Variants in DNAH12 observed in about 807,000 individuals in gnomAD.
DNAH12 encodes dynein axonemal heavy chain 12, also known as axonemal beta dynein heavy chain 12.
In DNAH12, 285 loss-of-function variants were observed where a neutral mutation model predicts 371.5. That is an observed-to-expected ratio of 0.77 (90% CI 0.70 to 0.85). The LOEUF is 0.85. DNAH12 is among the 40% of genes least tolerant of loss of function. The pLI is 0.00. For missense variants in DNAH12, 3,611 were observed against 3,689.4 expected (o/e 0.98, Z 0.55); for synonymous variants, 1,200 against 1,213.0 (o/e 0.99, Z 0.22).
intron 62 of DNAH12, among the ~76,000 whole-genome samples, chr3:57,332,233 T>A (rs1575464384): frequency 6.6e-6 from 1 of 152,262 alleles, no homozygotes; most frequent in Non-Finnish European, 1.5e-5. Context: ...TGTAATACTA[T>A]GATCACCTTT....
rs1249837063 is a variant in DNAH12, at chr3:57,507,373, T to C, written c.897+270A>G. ...TACTAGAATAGTTCTTTTGTTAACA[T>C]ACTCCAAATAAAGCTATAATTAACT... is the stretch of plus-strand genomic sequence containing the variant. On this transcript the variant is annotated intron_variant, in intron 8 of 73. Coordinates refer to ENST00000495027, the MANE Select transcript of DNAH12 (RefSeq NM_001366028.2). Among the ~76,000 whole-genome samples, 7 of 152,254 alleles carry C rather than the reference T, an allele frequency of 4.6e-5. No individual in the cohort carries two copies. The South Asian group carries it at 8.3e-4, about 18-fold the overall frequency.
intron 35 of DNAH12, among the ~76,000 whole-genome samples, chr3:57,422,138 T>C (rs1324827559): frequency 1.3e-5 from 2 of 151,912 alleles, no homozygotes; most frequent in African/African-American, 2.4e-5. Context: ...GGTCTTAAAC[T>C]CCTAGACTCA....
intron 62 of DNAH12, among the ~76,000 whole-genome samples, chr3:57,331,187 G>A (rs1018905701): frequency 9.2e-5 from 14 of 152,120 alleles, no homozygotes; most frequent in Non-Finnish European, 1.6e-4. Context: ...ATGGGGTAAG[G>A]GCTATGGTAT....
chr3:57,309,600 T>G, intron 68 of DNAH12, 66 bp downstream of exon 68: 1 of 1,345,756 alleles, frequency 7.4e-7, no homozygotes, highest in Non-Finnish European at 9.7e-7. Flanking sequence ...CATGGAGTTT[T>G]CAGATTGTCA....
At chr3:57,527,353 T>A (rs1396619594) in intron 2 of DNAH12, among the ~76,000 whole-genome samples, 1 of 152,088 alleles carries the variant, frequency 6.6e-6, no homozygotes, top group African/African-American at 2.4e-5. Flanking sequence ...ACAAAGGAAA[T>A]TTTTTAAAAA....
intron 62 of DNAH12, 112 bp downstream of exon 62, chr3:57,334,352 TA>T: frequency 8.5e-7 from 1 of 1,181,636 alleles, no homozygotes; most frequent in Non-Finnish European, 1.1e-6. Context: ...CAATGAACTG[TA>T]AGCTGGATAA....
At chr3:57,354,461 A>G (rs2062750814) in intron 59 of DNAH12, among the ~76,000 whole-genome samples, 1 of 151,782 alleles carries the variant, frequency 6.6e-6, no homozygotes, top group Admixed American at 6.6e-5. Context: ...GTTTACCTGT[A>G]TAACAAACCT....
At chr3:57,480,529 C>G (rs1379765780) in intron 13 of DNAH12, among the ~76,000 whole-genome samples, 1 of 150,628 alleles carries the variant, frequency 6.6e-6, no homozygotes, top group African/African-American at 2.5e-5. Context: ...TGAAACTATT[C>G]CAATCAATAG....
At chr3:57,304,021 C>A (rs1575422963) in intron 69 of DNAH12, among the ~76,000 whole-genome samples, 1 of 152,168 alleles carries the variant, frequency 6.6e-6, no homozygotes, top group South Asian at 2.1e-4. Context: ...CTGGCTCATC[C>A]TGGCTCAAAA....
At chr3:57,527,601 G>A (rs530659675) in intron 2 of DNAH12, among the ~76,000 whole-genome samples, 2 of 152,252 alleles carry the variant, frequency 1.3e-5, no homozygotes, top group South Asian at 2.1e-4. Flanking sequence ...ACTATCATGA[G>A]GACAGCATCA....
intron 65 of DNAH12, among the ~76,000 whole-genome samples, chr3:57,321,886 C>G (rs528730577): frequency 5.9e-5 from 9 of 152,052 alleles, no homozygotes; most frequent in African/African-American, 2.2e-4. Flanking sequence ...GGTGGATATA[C>G]GAAAAAGCAC....
Position 57,468,798 on chromosome 3 carries a change from GTTC to G in DNAH12, c.2284_2286del (p.Glu762del). On this transcript the variant is annotated inframe_deletion, in exon 17 of 74. Coordinates refer to ENST00000495027, the MANE Select transcript of DNAH12 (RefSeq NM_001366028.2). ...ATAGTAATAGTAGCATTGTCTTTTG[GTTC>G]TTCTTCAATTTTCTCTTCTTCCAAA... The G allele has an allele frequency of 4.6e-6, 7 of 1,533,734 alleles. No homozygotes were observed. The highest frequency in any genetic ancestry group is 1.4e-5 in the African/African-American group (1 of 71,404).
At chr3:57,473,431 G>A (rs932399726) in intron 13 of DNAH12, among the ~76,000 whole-genome samples, 16 of 151,878 alleles carry the variant, frequency 1.1e-4, no homozygotes, top group African/African-American at 3.4e-4. Flanking sequence ...GGTTGCAGTG[G>A]GCCGAGATTG....
intron 24 of DNAH12, 37 bp downstream of exon 24, chr3:57,453,210 C>T: frequency 6.6e-7 from 1 of 1,509,162 alleles, no homozygotes; most frequent in Non-Finnish European, 8.8e-7. Flanking sequence ...ATGCTATCAA[C>T]ATTTTATCTT....
intron 2 of DNAH12, 119 bp from the exon 3 acceptor site, chr3:57,524,003 A>T: frequency 1.7e-6 from 1 of 595,976 alleles, no homozygotes; most frequent in Non-Finnish European, 2.6e-6. Context: ...ATCTTACTGA[A>T]TTTTTTATGA....
chr3:57,296,705 G>A (rs2061241061), intron 71 of DNAH12, 142 bp downstream of exon 71: 1 of 1,071,110 alleles, frequency 9.3e-7, no homozygotes, highest in Non-Finnish European at 1.3e-6. Context: ...ATATATAAAA[G>A]TTCTAAGGGA....
intron 2 of DNAH12, among the ~76,000 whole-genome samples, chr3:57,541,394 C>A (rs942981482): frequency 1.3e-5 from 2 of 151,974 alleles, no homozygotes; most frequent in Admixed American, 6.6e-5. Context: ...GGGTCTCATG[C>A]CATTGCTCAT....
Position 57,437,003 on chromosome 3 carries a change from A to AT in DNAH12, c.4602dup (p.Phe1535IlefsTer4). ...GTTTGAATTATTTTTTCAAGAAAAA[A>AT]TTTAACAGGCTGAAGATTATGTACA... On this transcript the variant is annotated frameshift_variant, in exon 30 of 74. Coordinates refer to ENST00000495027, the MANE Select transcript of DNAH12 (RefSeq NM_001366028.2). LOFTEE classifies it high-confidence loss of function. 2 of 1,513,700 alleles carry AT rather than the reference A, an allele frequency of 1.3e-6. No individual in the cohort carries two copies. Among genetic ancestry groups the AT allele is most frequent in the Non-Finnish European group, 8.8e-7 (1 of 1,137,554 alleles). 93.8% of individuals were successfully genotyped at this position (1,513,700 alleles called of 1,614,324 possible).
At chr3:57,524,195 C>T (rs186448368) in intron 2 of DNAH12, among the ~76,000 whole-genome samples, 3 of 152,196 alleles carry the variant, frequency 2.0e-5, no homozygotes, top group Admixed American at 6.5e-5. Flanking sequence ...AAATGTCTGC[C>T]GGTCTGTCAG....
Sources: gnomAD v4.1 joint callset for allele counts (sites outside exome capture counted in the v4.1 genomes callset) on GRCh38, gnomAD v4.1.1 for gene constraint, MANE v1.5 for transcripts, NCBI Gene and HGNC (gene_info 2026-07-23, HGNC 2026-07-21) for gene names.